The following IL9R variants were observed in gnomAD, a reference collection of about 807,000 sequenced individuals.
IL9R encodes the protein interleukin-9 receptor.
In IL9R, 54 loss-of-function variants were observed where a neutral mutation model predicts 56.3. The ratio of observed to expected loss-of-function variants is 0.96; its 90% CI spans 0.77 to 1.20. The LOEUF (loss-of-function observed/expected upper bound fraction) is 1.20. Among genes scored for constraint, IL9R ranks in the 50% most tolerant of loss-of-function variants. The pLI is 0.00. For missense variants in IL9R, 545 were observed against 629.8 expected (o/e 0.87, Z 1.44); for synonymous variants, 212 against 250.2 (o/e 0.85, Z 1.44).
Position 156,010,147 on chromosome X carries a change from G to C in IL9R, c.1304G>C (p.Ser435Thr). Residue 435 changes from serine (S) to threonine (T), a missense_variant, in exon 9 of 9, where the codon AGC becomes ACC. Coordinates refer to ENST00000244174, the MANE Select transcript of IL9R (RefSeq NM_002186.3). ...DSEGSRSSSSSSSSNNNNYCA... is the reference protein window; with the variant it reads ...DSEGSRSSSSTSSSNNNNYCA... ...GAGGGCAGCAGGAGCAGCAGCAGCA[G>C]CAGCAGCAGCAACAACAACAACTAC... 6.4e-7 allele frequency: 1 copy of C among 1,553,762 alleles called. No homozygotes were observed. Among genetic ancestry groups the C allele is most frequent in the Non-Finnish European group, 8.6e-7 (1 of 1,166,736 alleles).
chrX:155,997,854 A>T, intron 1 of IL9R, 67 bp downstream of exon 1: 8 of 1,464,402 alleles, frequency 5.5e-6, no homozygotes, highest in Non-Finnish European at 7.6e-6. Flanking sequence ...AGAGAGGGAC[A>T]TGTGGCCCTC....
At chrX:156,002,814 C>A (rs2067621990) in intron 1 of IL9R, 92 bp from the exon 2 acceptor site, 2 of 1,581,754 alleles carry the variant, frequency 1.3e-6, no homozygotes, top group Non-Finnish European at 1.7e-6. Context: ...CAGGTGGGGA[C>A]CCATGGAGCA....
At chrX:156,009,266 T>TTA (rs2068295955) in intron 8 of IL9R, among the ~76,000 whole-genome samples, 7 of 32,692 alleles carry the variant, frequency 2.1e-4, no homozygotes, top group Admixed American at 7.9e-4. Context: ...GTGTGTGTGT[T>TTA]TGTGTGTGTA....
chrX:156,003,024 G>A lies in IL9R; in HGVS notation c.142+5G>A, dbSNP rs367849058. 1.5e-5 allele frequency: 25 copies of A among 1,613,828 alleles called. No homozygotes were observed. The highest frequency in any genetic ancestry group is 4.5e-5 in the East Asian group (2 of 44,858). On this transcript the variant is annotated splice_donor_5th_base_variant and intron_variant, in intron 2 of 8. Coordinates refer to ENST00000244174, the MANE Select transcript of IL9R (RefSeq NM_002186.3). The stretch of plus-strand genomic sequence containing the variant: ...CTGTCACAGGGGAAGGACAAGGTGA[G>A]GGCTGGGCACTAATGTCTGTATGAG...
chrX:156,002,571 G>T (rs1247305440), intron 1 of IL9R, among the ~76,000 whole-genome samples: 3 of 152,228 alleles, frequency 2.0e-5, no homozygotes, highest in Non-Finnish European at 4.4e-5. Flanking sequence ...AATGGGGGAT[G>T]GGCTGGCAGA....
chrX:156,004,480 C>A lies in IL9R; in HGVS notation c.494C>A (p.Thr165Asn). The A allele has an allele frequency of 6.2e-7, 1 of 1,613,854 alleles. No homozygotes were observed. The highest frequency in any genetic ancestry group is 8.5e-7 in the Non-Finnish European group (1 of 1,179,828). Residue 165 changes from threonine to asparagine, a missense_variant, in exon 5 of 9, where the codon ACC becomes AAC. Thr to Asn is a moderately conservative substitution (Grantham distance 65). Coordinates refer to ENST00000244174, the MANE Select transcript of IL9R (RefSeq NM_002186.3). ...ATCAGTTCTGGCCACTGCATCCTGACCTGGAGCATCAGTCCTGCCTTGGAG... is the reference window on the plus strand; with the variant it reads ...ATCAGTTCTGGCCACTGCATCCTGAACTGGAGCATCAGTCCTGCCTTGGAG... ...SNISSGHCILTWSISPALEPM... is the reference protein window; with the variant it reads ...SNISSGHCILNWSISPALEPM...
At chrX:156,006,914 A>G (rs991192607) in intron 7 of IL9R, among the ~76,000 whole-genome samples, 4 of 150,794 alleles carry the variant, frequency 2.7e-5, no homozygotes, top group Non-Finnish European at 5.9e-5. Context: ...CAGGGAGACG[A>G]TTTGGCATGA....
At chrX:156,005,922 C>T (rs1197291776) in intron 6 of IL9R, among the ~76,000 whole-genome samples, 161 bp from the exon 7 acceptor site, 1 of 135,912 alleles carries the variant, frequency 7.4e-6, no homozygotes, top group Non-Finnish European at 1.5e-5. Context: ...CCTCCAAGGC[C>T]CATCACAAGG....
At chrX:156,008,353 C>G (rs1378481356) in intron 8 of IL9R, among the ~76,000 whole-genome samples, 32 of 151,580 alleles carry the variant, frequency 2.1e-4, no homozygotes, top group African/African-American at 7.6e-4. Flanking sequence ...CTCCCTGTCC[C>G]CTTCACACTG....
At chrX:156,005,137 G>T in intron 5 of IL9R, 141 bp from the exon 6 acceptor site, 1 of 699,076 alleles carries the variant, frequency 1.4e-6, no homozygotes, top group Non-Finnish European at 2.6e-6. Flanking sequence ...GTGTGCACGT[G>T]AATGTGGTGA....
intron 1 of IL9R, among the ~76,000 whole-genome samples, chrX:155,999,729 A>C (rs1445121971): frequency 1.3e-5 from 2 of 152,188 alleles, no homozygotes; most frequent in Non-Finnish European, 2.9e-5. Context: ...CCCAGCAGAC[A>C]GAAGACCTTG....
intron 1 of IL9R, among the ~76,000 whole-genome samples, chrX:156,000,419 C>T (rs1245704174): frequency 2.0e-5 from 3 of 152,110 alleles, no homozygotes. Context: ...CAGACTTTGA[C>T]ACTGAGGCCA....
chrX:156,011,644 G>C (rs1195256421), downstream of IL9R, among the ~76,000 whole-genome samples: 1 of 96,410 alleles, frequency 1.0e-5, no homozygotes, highest in Non-Finnish European at 1.8e-5. Flanking sequence ...GCCCCTCCCT[G>C]GGTGAGGACT....
At position 156,002,935 on chromosome X, in the gene IL9R, C is replaced by A; in HGVS notation, c.58C>A (p.Arg20=). 1 of 1,613,790 alleles carries A rather than the reference C, an allele frequency of 6.2e-7. No homozygotes were observed. Residue 20 remains arginine, a synonymous_variant, in exon 2 of 9, where the codon CGA becomes AGA. Transcript: ENST00000244174. The part of the protein sequence containing the change: ...GWTLESEALR[R]DMGTWLLACI... The stretch of plus-strand genomic sequence containing the variant: ...GACCTTGGAGAGTGAGGCCCTGAGG[C>A]GAGACATGGGCACCTGGCTCCTGGC...
chrX:156,003,747 G>A lies in IL9R; in HGVS notation c.325G>A (p.Glu109Lys). 6.2e-7 allele frequency: 1 copy of A among 1,613,992 alleles called. No individual in the cohort carries two copies. Among genetic ancestry groups the A allele is most frequent in the South Asian group, 1.1e-5 (1 of 91,058 alleles). The change falls in exon 4 of 9, where the codon GAG becomes AAG. Residue 109 changes from glutamate (E) to lysine (K), a missense_variant. Glu to Lys is a moderately conservative substitution (Grantham distance 56). Transcript: ENST00000244174. ...TGAGTGCACCGTCGTGCTGCCACCT[G>A]AGGCAGTGCTCGTGCCATCTGACAA... ...GSECTVVLPP[E>K]AVLVPSDNFT...
At chrX:156,009,405 G>A (rs1161971447) in intron 8 of IL9R, among the ~76,000 whole-genome samples, 1 of 127,562 alleles carries the variant, frequency 7.8e-6, no homozygotes, top group Non-Finnish European at 1.7e-5. Context: ...GTGTGTCTCT[G>A]TGTGTGTGTG....
At chrX:155,997,940 T>C (rs1268649627) in intron 1 of IL9R, among the ~76,000 whole-genome samples, 153 bp downstream of exon 1, 1 of 151,900 alleles carries the variant, frequency 6.6e-6, no homozygotes, top group African/African-American at 2.4e-5. Flanking sequence ...GTCCTGGCCT[T>C]GTGTATCTCT....
intron 1 of IL9R, among the ~76,000 whole-genome samples, chrX:155,999,261 C>T (rs2067347524): frequency 6.6e-6 from 1 of 152,046 alleles, no homozygotes; most frequent in East Asian, 1.9e-4. Context: ...GGGTATGTGC[C>T]CTTGTCCACC....
Position 155,999,505 on chromosome X carries a change from C to T in IL9R, c.28+1718C>T, listed in dbSNP as rs550142828. On this transcript the variant is annotated intron_variant, in intron 1 of 8. Coordinates refer to ENST00000244174, the MANE Select transcript of IL9R (RefSeq NM_002186.3). ...AGCTGGCCTTTCAGACCCCATCCCTCCTGCCTCCTGCCCATCCCTACCCCT... is the reference window on the plus strand; with the variant it reads ...AGCTGGCCTTTCAGACCCCATCCCTTCTGCCTCCTGCCCATCCCTACCCCT... Among the ~76,000 whole-genome samples the T allele has an allele frequency of 2.6e-5, 4 of 152,256 alleles. No individual in the cohort carries two copies. In the South Asian group the frequency reaches 8.3e-4, roughly 32 times the overall value.
Sources: allele counts gnomAD v4.1 joint callset (sites outside exome capture counted in the v4.1 genomes callset), GRCh38; gene constraint gnomAD v4.1.1; transcripts MANE v1.5; gene names NCBI Gene and HGNC (gene_info 2026-07-23, HGNC 2026-07-21).